DPP10: variants seen among roughly 807,000 people sequenced by gnomAD.
DPP10 encodes inactive dipeptidyl peptidase 10.
A neutral mutation model predicts 120.9 loss-of-function variants in DPP10; 33 were observed. The observed-to-expected ratio is 0.27, with a 90% CI of 0.21 to 0.37. DPP10 has a LOEUF of 0.37. DPP10 is among the 10% of genes least tolerant of loss of function. The probability of loss-of-function intolerance (pLI) is 1.00; values close to 1 mark genes in which losing one functional copy is unlikely to be tolerated. For synonymous variants in DPP10, 337 were observed against 326.1 expected, an observed-to-expected ratio of 1.03 and a Z score of -0.36; for missense variants, 816 against 942.8, an observed-to-expected ratio of 0.87 and a Z score of 1.76.
intron 7 of DPP10, among the ~76,000 whole-genome samples, chr2:115,700,486 A>G (rs1286096428): frequency 1.3e-5 from 2 of 152,298 alleles, no homozygotes; most frequent in South Asian, 4.1e-4. Context: ...ATTATACTTA[A>G]TGGTCAAAGA....
At chr2:114,546,040 C>T (rs967812793) in intron 1 of DPP10, among the ~76,000 whole-genome samples, 3 of 152,058 alleles carry the variant, frequency 2.0e-5, no homozygotes, top group Admixed American at 6.6e-5. Context: ...GTTCTGTTTC[C>T]TCTGTCCCCA....
chr2:114,818,379 T>C (rs1452011135), intron 1 of DPP10, among the ~76,000 whole-genome samples: 3 of 152,188 alleles, frequency 2.0e-5, no homozygotes, highest in African/African-American at 7.2e-5. Flanking sequence ...TATCAAATGA[T>C]GAATTCCAGT....
intron 5 of DPP10, among the ~76,000 whole-genome samples, chr2:115,608,123 C>T (rs888886779): frequency 3.9e-5 from 6 of 152,090 alleles, no homozygotes; most frequent in African/African-American, 1.4e-4. Context: ...CGCAATGGCT[C>T]CTGCCTGTAA....
At chr2:114,460,092 T>A (rs1001680000) in intron 1 of DPP10, among the ~76,000 whole-genome samples, 2 of 152,206 alleles carry the variant, frequency 1.3e-5, no homozygotes, top group East Asian at 3.8e-4. Context: ...GAGATGATAA[T>A]GGGGCTGGAT....
At chr2:114,580,020 C>T (rs755537894) in intron 1 of DPP10, among the ~76,000 whole-genome samples, 1 of 152,130 alleles carries the variant, frequency 6.6e-6, no homozygotes, top group African/African-American at 2.4e-5. Context: ...GACCAAATTC[C>T]TTCCCTTGTA....
In DPP10 at chr2:114,669,995, G is replaced by A. The variant is rs550125220; in HGVS notation, c.60+227157G>A. Among the ~76,000 whole-genome samples the A allele has an allele frequency of 4.7e-3, 708 of 152,154 alleles. 3 individuals carry two copies. The highest frequency in any genetic ancestry group is 0.016 in the African/African-American group (653 of 41,510). On this transcript the variant is annotated intron_variant, in intron 1 of 25. Coordinates refer to ENST00000410059, the MANE Select transcript of DPP10 (RefSeq NM_020868.6). ...ATACCATCTCACACCAGTTAGAATGGCAATCATTAAAAAGTCAGGAAACAA... is the reference window on the plus strand; with the variant it reads ...ATACCATCTCACACCAGTTAGAATGACAATCATTAAAAAGTCAGGAAACAA...
intron 3 of DPP10, among the ~76,000 whole-genome samples, chr2:115,398,123 G>A (rs2104456572): frequency 6.6e-6 from 1 of 151,590 alleles, no homozygotes; most frequent in Middle Eastern, 3.4e-3. Context: ...AAAAACTCAT[G>A]GTTTAGAGGT....
intron 1 of DPP10, among the ~76,000 whole-genome samples, chr2:114,719,945 C>G (rs1020252048): frequency 2.6e-5 from 4 of 152,186 alleles, no homozygotes; most frequent in Admixed American, 6.5e-5. Flanking sequence ...CTGTTTGTGA[C>G]AAAAGTCTGT....
intron 7 of DPP10, among the ~76,000 whole-genome samples, chr2:115,704,253 AT>A (rs1334633692): frequency 1.3e-5 from 2 of 151,510 alleles, no homozygotes; most frequent in African/African-American, 4.8e-5. Context: ...AAAAAAAAAA[AT>A]TTCCTTCAAA....
chr2:115,647,925 G>T (rs952446506), intron 5 of DPP10, among the ~76,000 whole-genome samples: 2 of 152,154 alleles, frequency 1.3e-5, no homozygotes, highest in African/African-American at 4.8e-5. Flanking sequence ...TACGTTCATC[G>T]TGAATTTTGG....
At chr2:115,213,042 C>T (rs962858471) in intron 1 of DPP10, among the ~76,000 whole-genome samples, 9 of 152,160 alleles carry the variant, frequency 5.9e-5, no homozygotes, top group East Asian at 5.8e-4. Flanking sequence ...TTATTCTTTA[C>T]GTGAGTTCTT....
chr2:114,664,981 G>C lies in DPP10; in HGVS notation c.60+222143G>C, dbSNP rs112001904. ...GGCATAGAGCATCCAAAAGATGGCA[G>C]AGAGCATCCAAAAGATGGCACAGAG... On this transcript the variant is annotated intron_variant, in intron 1 of 25. Coordinates refer to ENST00000410059, the MANE Select transcript of DPP10 (RefSeq NM_020868.6). Among the ~76,000 whole-genome samples, 916 of 105,050 alleles carry C rather than the reference G, an allele frequency of 8.7e-3. 56 individuals are homozygous for C. Among genetic ancestry groups the C allele is most frequent in the African/African-American group, 0.064 (777 of 12,148 alleles). 68.9% of individuals were successfully genotyped at this position (105,050 alleles called of 152,430 possible).
intron 1 of DPP10, among the ~76,000 whole-genome samples, chr2:114,989,898 G>A (rs964831798): frequency 6.6e-6 from 1 of 152,186 alleles, no homozygotes; most frequent in Admixed American, 6.5e-5. Flanking sequence ...CTTGGGAAAT[G>A]TAAGAGCAGA....
chr2:115,182,535 T>C (rs546893472), intron 1 of DPP10, among the ~76,000 whole-genome samples: 21 of 152,340 alleles, frequency 1.4e-4, no homozygotes, highest in Middle Eastern at 3.4e-3. Flanking sequence ...TTAAAATTAT[T>C]CCAGCCCCTC....
intron 19 of DPP10, among the ~76,000 whole-genome samples, chr2:115,808,603 G>T (rs7568742): frequency 2.0e-5 from 3 of 152,110 alleles, no homozygotes; most frequent in Non-Finnish European, 1.5e-5. Flanking sequence ...AAAAGCAAAC[G>T]TAGGCATAAG....
At chr2:115,631,849 A>C (rs2085900889) in intron 5 of DPP10, among the ~76,000 whole-genome samples, 1 of 152,154 alleles carries the variant, frequency 6.6e-6, no homozygotes, top group South Asian at 2.1e-4. Context: ...TCAATTTTAG[A>C]GTAAGTGCCA....
At chr2:114,738,080 A>G (rs1053048978) in intron 1 of DPP10, among the ~76,000 whole-genome samples, 1 of 152,092 alleles carries the variant, frequency 6.6e-6, no homozygotes, top group African/African-American at 2.4e-5. Flanking sequence ...ATAAAAAGAG[A>G]AGAGGGGAGT....
At chr2:115,413,988 T>A (rs888476369) in intron 3 of DPP10, among the ~76,000 whole-genome samples, 3 of 152,160 alleles carry the variant, frequency 2.0e-5, no homozygotes, top group African/African-American at 4.8e-5. Context: ...AGAAATTTCA[T>A]GTATGTGTCT....
At chr2:115,840,946 C>A in intron 25 of DPP10, 123 bp downstream of exon 25, 1 of 746,894 alleles carries the variant, frequency 1.3e-6, no homozygotes, top group Non-Finnish European at 2.0e-6. Flanking sequence ...TTTTTAGTTA[C>A]CAAAGATTGT....
Sources: allele counts gnomAD v4.1 joint callset (sites outside exome capture counted in the v4.1 genomes callset), GRCh38; gene constraint gnomAD v4.1.1; transcripts MANE v1.5; gene names NCBI Gene and HGNC (gene_info 2026-07-23, HGNC 2026-07-21).